Variants in CMSS1 observed in about 807,000 individuals in gnomAD.
The protein encoded by CMSS1 is protein CMSS1.
CMSS1 carries 33 observed loss-of-function variants against 43.5 expected under a neutral mutation model. That is an observed-to-expected ratio of 0.76 (90% CI 0.57 to 1.01). The LOEUF (loss-of-function observed/expected upper bound fraction) is 1.01. Among genes scored for constraint, CMSS1 ranks in the 50% least tolerant of loss-of-function variants. CMSS1 has a pLI of 0.00. For missense variants in CMSS1, 313 were observed against 326.4 expected (o/e 0.96, Z 0.32); for synonymous variants, 115 against 117.2 (o/e 0.98, Z 0.12).
chr3:99,863,309 C>G (rs1250148234), intron 1 of CMSS1, among the ~76,000 whole-genome samples: 1 of 152,198 alleles, frequency 6.6e-6, no homozygotes, highest in East Asian at 1.9e-4. Flanking sequence ...AATGCTGCCT[C>G]ATCCCGCTGC....
chr3:99,941,862 A>AT (rs1342538593), intron 1 of CMSS1, among the ~76,000 whole-genome samples: 11 of 152,242 alleles, frequency 7.2e-5, no homozygotes, highest in Non-Finnish European at 1.6e-4. Flanking sequence ...GATGAATGAG[A>AT]TAAAACCTTG....
At chr3:99,994,237 C>G (rs1446708608) in intron 1 of CMSS1, among the ~76,000 whole-genome samples, 2 of 151,988 alleles carry the variant, frequency 1.3e-5, no homozygotes, top group African/African-American at 4.8e-5. Context: ...GATCAGAAAA[C>G]AAAGATTACT....
At chr3:99,978,728 C>T (rs1709038090) in intron 1 of CMSS1, among the ~76,000 whole-genome samples, 1 of 152,072 alleles carries the variant, frequency 6.6e-6, no homozygotes, top group African/African-American at 2.4e-5. Flanking sequence ...AACCCCGCCT[C>T]TTCTAAAAAT....
intron 1 of CMSS1, among the ~76,000 whole-genome samples, chr3:99,819,956 T>C (rs1942401154): frequency 6.6e-6 from 1 of 151,862 alleles, no homozygotes; most frequent in African/African-American, 2.4e-5. Context: ...GGTTTCACCA[T>C]GTTGGCCAGG....
intron 1 of CMSS1, among the ~76,000 whole-genome samples, chr3:99,933,098 A>G (rs916289863): frequency 3.3e-5 from 5 of 152,240 alleles, no homozygotes; most frequent in African/African-American, 1.2e-4. Flanking sequence ...AAGGTTGCAC[A>G]GCTAATAAGT....
intron 6 of CMSS1, among the ~76,000 whole-genome samples, chr3:100,170,782 A>T (rs2067103695): frequency 6.6e-6 from 1 of 152,150 alleles, no homozygotes; most frequent in Non-Finnish European, 1.5e-5. Context: ...GGTGGTCTGG[A>T]TTGTTGTAGA....
chr3:99,987,221 C>A (rs1231271361), intron 1 of CMSS1, among the ~76,000 whole-genome samples: 1 of 126,684 alleles, frequency 7.9e-6, no homozygotes, highest in Non-Finnish European at 1.7e-5. Flanking sequence ...AGAGTAAGAC[C>A]CTGTCTCTTA....
At position 100,147,928 on chromosome 3, in the gene CMSS1, A is replaced by G. The variant is rs570959298; in HGVS notation, c.153+867A>G. Among the ~76,000 whole-genome samples the G allele has an allele frequency of 2.6e-4, 40 of 152,268 alleles. 1 individual carries two copies. In the South Asian group the frequency reaches 8.1e-3, roughly 31 times the overall value. Reference sequence around the variant, plus strand: ...TCTTCCTACTGACTTTAGAAATGCCACTCACATCCATTTGTAGCTTTTTCT... The same window carrying G: ...TCTTCCTACTGACTTTAGAAATGCCGCTCACATCCATTTGTAGCTTTTTCT... On this transcript the variant is annotated intron_variant, in intron 2 of 9. Transcript: ENST00000421999.
At chr3:99,967,921 T>C (rs1269216996) in intron 1 of CMSS1, among the ~76,000 whole-genome samples, 3 of 152,206 alleles carry the variant, frequency 2.0e-5, no homozygotes, top group Non-Finnish European at 4.4e-5. Flanking sequence ...AATAGATAAG[T>C]GCAACGGTAT....
intron 1 of CMSS1, among the ~76,000 whole-genome samples, chr3:99,832,861 G>GTT (rs532780860): frequency 2.2e-5 from 3 of 133,822 alleles, no homozygotes; most frequent in Non-Finnish European, 3.1e-5. Context: ...AAAAAAAGTT[G>GTT]TTTTTTTTTT....
At chr3:99,844,167 C>G (rs745927521) in intron 1 of CMSS1, among the ~76,000 whole-genome samples, 12 of 152,098 alleles carry the variant, frequency 7.9e-5, no homozygotes, top group African/African-American at 1.2e-4. Flanking sequence ...ATATTGCTAG[C>G]CCAGAAAAAG....
intron 1 of CMSS1, among the ~76,000 whole-genome samples, chr3:100,061,772 T>C (rs2065570768): frequency 1.3e-5 from 2 of 152,204 alleles, no homozygotes; most frequent in South Asian, 4.1e-4. Flanking sequence ...GAGAAGGTAA[T>C]GCAATACCCA....
chr3:99,835,600 A>G (rs1942864845), intron 1 of CMSS1, among the ~76,000 whole-genome samples: 1 of 152,202 alleles, frequency 6.6e-6, no homozygotes, highest in African/African-American at 2.4e-5. Context: ...GTGGGAATTA[A>G]TAGGTCTGGG....
intron 1 of CMSS1, among the ~76,000 whole-genome samples, chr3:100,052,041 T>G (rs574939075): frequency 6.6e-6 from 1 of 151,972 alleles, no homozygotes; most frequent in South Asian, 2.1e-4. Flanking sequence ...CAACTCACCC[T>G]TAAATGATCT....
Position 99,890,598 on chromosome 3 carries a change from C to G in CMSS1, c.64+72555C>G, listed in dbSNP as rs140730683. Among the ~76,000 whole-genome samples, 837 of 152,216 alleles carry G rather than the reference C, an allele frequency of 5.5e-3. 19 individuals are homozygous for G. Among genetic ancestry groups the G allele is most frequent in the Admixed American group, 0.038 (586 of 15,282 alleles). On this transcript the variant is annotated intron_variant, in intron 1 of 9. Transcript: ENST00000421999. ...TGTGCAATTTCTTTGAATTTTTCTT[C>G]CAGTTTACTAATTCTCATTCCTTGA...
At chr3:100,050,936 T>A (rs773102016) in intron 1 of CMSS1, among the ~76,000 whole-genome samples, 1 of 152,214 alleles carries the variant, frequency 6.6e-6, no homozygotes, top group Non-Finnish European at 1.5e-5. Flanking sequence ...TCTTCAAGAA[T>A]TTGATCCAAA....
intron 1 of CMSS1, among the ~76,000 whole-genome samples, chr3:100,028,897 A>G (rs2064974220): frequency 6.6e-6 from 1 of 152,210 alleles, no homozygotes; most frequent in Non-Finnish European, 1.5e-5. Context: ...TGTGTAACAC[A>G]CACAAAGACA....
intron 1 of CMSS1, among the ~76,000 whole-genome samples, chr3:100,035,999 A>G (rs753906928): frequency 2.7e-4 from 41 of 152,220 alleles, no homozygotes; most frequent in Non-Finnish European, 5.4e-4. Context: ...CTGGGATAAT[A>G]ATGTTTACTA....
chr3:100,088,500 C>G (rs552053045), intron 1 of CMSS1, among the ~76,000 whole-genome samples: 2 of 152,114 alleles, frequency 1.3e-5, no homozygotes, highest in African/African-American at 2.4e-5. Context: ...ATTTCAAAAT[C>G]TTTATATTTG....
Sources: gnomAD v4.1 joint callset for allele counts (sites outside exome capture counted in the v4.1 genomes callset) on GRCh38, gnomAD v4.1.1 for gene constraint, MANE v1.5 for transcripts, NCBI Gene and HGNC (gene_info 2026-07-23, HGNC 2026-07-21) for gene names.